The following ST7 variants were observed in gnomAD, a reference collection of about 807,000 sequenced individuals.
The protein encoded by ST7 is suppressor of tumorigenicity 7 protein.
Under a neutral mutation model 78.7 loss-of-function variants are expected in ST7, and 28 were observed. That is an observed-to-expected ratio of 0.36 (90% CI 0.26 to 0.49). The LOEUF (loss-of-function observed/expected upper bound fraction) is 0.49. Ranked by LOEUF, ST7 falls within the 20% of genes least tolerant of loss-of-function variation. The probability of loss-of-function intolerance (pLI) is 0.99; values close to 1 mark genes in which losing one functional copy is unlikely to be tolerated. For missense variants in ST7, 418 were observed against 696.0 expected (o/e 0.60, Z 4.49); for synonymous variants, 247 against 249.6 (o/e 0.99, Z 0.10).
intron 1 of ST7, among the ~76,000 whole-genome samples, chr7:117,040,709 T>G (rs890483073): frequency 3.9e-5 from 6 of 152,240 alleles, no homozygotes; most frequent in Non-Finnish European, 5.9e-5. Context: ...GAAGTGCTGA[T>G]TGGTCCAATT....
chr7:117,191,432 A>G (rs766200156), intron 12 of ST7, among the ~76,000 whole-genome samples: 2 of 152,348 alleles, frequency 1.3e-5, no homozygotes, highest in East Asian at 3.9e-4. Flanking sequence ...TACCATTTTA[A>G]TAAGTGTATA....
intron 12 of ST7, among the ~76,000 whole-genome samples, chr7:117,206,918 T>C (rs1338607141): frequency 6.6e-6 from 1 of 152,224 alleles, no homozygotes; most frequent in East Asian, 1.9e-4. Flanking sequence ...ACAGTAGTTA[T>C]TAGCCACATG....
chr7:117,101,719 G>A (rs1039733997), intron 2 of ST7, among the ~76,000 whole-genome samples: 5 of 152,138 alleles, frequency 3.3e-5, no homozygotes, highest in African/African-American at 9.7e-5. Context: ...AGAGTCCTTA[G>A]CATTTTTGGG....
intron 1 of ST7, among the ~76,000 whole-genome samples, chr7:117,011,533 T>G (rs920227092): frequency 6.6e-6 from 1 of 152,196 alleles, no homozygotes; most frequent in Non-Finnish European, 1.5e-5. Context: ...GGTTCTAGAA[T>G]TTATCTTAGA....
At chr7:117,079,019 G>T (rs1799558127) in intron 1 of ST7, among the ~76,000 whole-genome samples, 2 of 152,076 alleles carry the variant, frequency 1.3e-5, no homozygotes, top group African/African-American at 4.8e-5. Context: ...AATGCCGTCT[G>T]CCCCAAGAAT....
At chr7:117,157,484 C>A (rs1343157334) in intron 9 of ST7, among the ~76,000 whole-genome samples, 1 of 151,780 alleles carries the variant, frequency 6.6e-6, no homozygotes, top group Admixed American at 6.6e-5. Flanking sequence ...GGAGTACCAA[C>A]CTTCTGCCTA....
At chr7:117,098,598 C>A (rs1229497743) in intron 1 of ST7, 1 of 285,884 alleles carries the variant, frequency 3.5e-6, no homozygotes, top group Non-Finnish European at 6.9e-6. Context: ...TACCCATTGT[C>A]TCATTCATAA....
In ST7 at chr7:117,140,841, G is replaced by T. The variant is rs975983824; in HGVS notation, c.963+2309G>T. 1.3e-4 allele frequency among the ~76,000 whole-genome samples: 20 copies of T among 152,282 alleles called. 1 individual carries two copies. The highest frequency in any genetic ancestry group is 4.8e-4 in the African/African-American group (20 of 41,560). On this transcript the variant is annotated intron_variant, in intron 9 of 15. Transcript: ENST00000323984. Reference sequence around the variant, plus strand: ...AAGGAACACTCTCAGACATGGTAGAGATATGTTTTGAAGAGAAATATTCAA... The same window carrying T: ...AAGGAACACTCTCAGACATGGTAGATATATGTTTTGAAGAGAAATATTCAA...
intron 1 of ST7, among the ~76,000 whole-genome samples, chr7:117,031,409 C>T (rs867633478): frequency 0.86 from 11,766 of 13,676 alleles, 5,371 homozygotes; most frequent in East Asian, 0.98. Context: ...CATATATACG[C>T]ATATATGTGT....
At chr7:117,115,573 C>T (rs897338528) in intron 2 of ST7, among the ~76,000 whole-genome samples, 3 of 152,004 alleles carry the variant, frequency 2.0e-5, no homozygotes, top group Non-Finnish European at 2.9e-5. Flanking sequence ...AGGCTGGTCT[C>T]GAACTCCTGA....
chr7:116,958,785 C>T, intron 1 of ST7: 1 of 419,324 alleles, frequency 2.4e-6, no homozygotes, highest in Non-Finnish European at 4.8e-6. Flanking sequence ...ATCTAAAAGA[C>T]CAATGTATAT....
Position 117,144,457 on chromosome 7 carries a change from A to C in ST7, c.963+5925A>C, listed in dbSNP as rs1257459637. On this transcript the variant is annotated intron_variant, in intron 9 of 15. Transcript: ENST00000323984. ...AGCCTGGGCAGCATGATGAAACCCC[A>C]TCTCTACCAAAAAAAAAAAAAAAAA... Among the ~76,000 whole-genome samples, 9 of 148,864 alleles carry C rather than the reference A, an allele frequency of 6.0e-5. No individual in the cohort carries two copies. In the East Asian group the frequency reaches 1.8e-3, roughly 29 times the overall value.
chr7:116,970,554 CTCT>C (rs1276522552), intron 1 of ST7, among the ~76,000 whole-genome samples: 1 of 152,160 alleles, frequency 6.6e-6, no homozygotes, highest in Non-Finnish European at 1.5e-5. Flanking sequence ...TTTCTCGTGT[CTCT>C]TCTTATAAGG....
intron 9 of ST7, chr7:117,144,251 C>T (rs950317068): frequency 1.3e-5 from 2 of 151,960 alleles, no homozygotes; most frequent in Admixed American, 6.6e-5. Flanking sequence ...CAACAGGTGA[C>T]CTCTTGGAGT....
chr7:117,034,365 A>G (rs1394837521), intron 1 of ST7, among the ~76,000 whole-genome samples: 1 of 152,196 alleles, frequency 6.6e-6, no homozygotes, highest in East Asian at 1.9e-4. Flanking sequence ...ATTGCATTCA[A>G]TATGCCCATT....
intron 1 of ST7, among the ~76,000 whole-genome samples, chr7:116,966,962 T>C (rs184005920): frequency 1.1e-3 from 168 of 152,240 alleles, no homozygotes; most frequent in African/African-American, 3.9e-3. Context: ...TTATCCAAAA[T>C]AGGATGTAAA....
rs1228232706 is a variant in ST7 at position 117,009,267 on chromosome 7, TTTTG to T, written c.151+55580_151+55583del. Among the ~76,000 whole-genome samples the T allele has an allele frequency of 6.4e-4, 19 of 29,860 alleles. 2 individuals carry two copies. The highest frequency in any genetic ancestry group is 9.6e-4 in the Admixed American group (2 of 2,088). 19.6% of individuals were successfully genotyped at this position (29,860 alleles called of 152,430 possible). A position where few individuals can be genotyped will look rare whatever the true frequency, so the allele number is the denominator to read the frequency against. Reference sequence around the variant, plus strand: ...CTCCACTTTTTTTTTGTTTTTTTTTTTTTGTTTTTGGCCTCTGGGACAACCCACA... The same window carrying T: ...CTCCACTTTTTTTTTGTTTTTTTTTTTTTTTGGCCTCTGGGACAACCCACA... On this transcript the variant is annotated intron_variant, in intron 1 of 15. Transcript: ENST00000323984.
chr7:117,053,308 C>T (rs572325993), intron 1 of ST7, among the ~76,000 whole-genome samples: 1 of 152,218 alleles, frequency 6.6e-6, no homozygotes, highest in African/African-American at 2.4e-5. Context: ...AGTCTCCTGG[C>T]AAGCCATTTC....
chr7:117,221,792 T>G (rs1584637217), intron 14 of ST7, 131 bp from the exon 15 acceptor site: 1 of 1,019,584 alleles, frequency 9.8e-7, no homozygotes, highest in East Asian at 2.8e-5. Context: ...GTTTGTCAGG[T>G]GTGCTATTTT....
Sources: gnomAD v4.1 joint callset for allele counts (sites outside exome capture counted in the v4.1 genomes callset) on GRCh38, gnomAD v4.1.1 for gene constraint, MANE v1.5 for transcripts, NCBI Gene and HGNC (gene_info 2026-07-23, HGNC 2026-07-21) for gene names.